The following MAP4K3 variants were observed in gnomAD, a reference collection of about 807,000 sequenced individuals.
MAP4K3 encodes mitogen-activated protein kinase kinase kinase kinase 3, also known as MAPK/ERK kinase kinase kinase 3.
In MAP4K3, 94 loss-of-function variants were observed where a neutral mutation model predicts 143.5. That is an observed-to-expected ratio of 0.65 (90% confidence interval 0.55 to 0.78). MAP4K3 has a LOEUF of 0.78. Ranked by LOEUF, MAP4K3 falls within the 30% of genes least tolerant of loss-of-function variation. MAP4K3 has a pLI of 0.00. For missense variants in MAP4K3, 1,077 were observed against 1,068.1 expected (o/e 1.01, Z -0.12); for synonymous variants, 416 against 347.2 (o/e 1.20, Z -2.20).
At chr2:39,429,222 G>T (rs1477008202) in intron 1 of MAP4K3, among the ~76,000 whole-genome samples, 1 of 152,032 alleles carries the variant, frequency 6.6e-6, no homozygotes, top group East Asian at 1.9e-4. Context: ...TCCTGGAGAA[G>T]TTTTCCACAA....
chr2:39,358,644 T>G (rs747318821), intron 2 of MAP4K3, among the ~76,000 whole-genome samples: 1 of 151,970 alleles, frequency 6.6e-6, no homozygotes, highest in Non-Finnish European at 1.5e-5. Flanking sequence ...GGGAAAAAAA[T>G]TCAAAGAAAA....
chr2:39,388,299 T>C (rs1473552847), intron 1 of MAP4K3, among the ~76,000 whole-genome samples: 1 of 152,192 alleles, frequency 6.6e-6, no homozygotes, highest in Non-Finnish European at 1.5e-5. Context: ...TTAGACTAGA[T>C]ATAAAATATC....
At chr2:39,387,651 G>A (rs913469882) in intron 1 of MAP4K3, among the ~76,000 whole-genome samples, 1 of 152,134 alleles carries the variant, frequency 6.6e-6, no homozygotes, top group Non-Finnish European at 1.5e-5. Context: ...TAGAAAAGAC[G>A]CAATGAAGAG....
intron 1 of MAP4K3, among the ~76,000 whole-genome samples, chr2:39,399,886 T>C (rs1431658493): frequency 6.6e-6 from 1 of 152,190 alleles, no homozygotes; most frequent in Non-Finnish European, 1.5e-5. Context: ...AATATTTATA[T>C]GGGGGAGGGT....
At chr2:39,424,191 G>T (rs137955203) in intron 1 of MAP4K3, among the ~76,000 whole-genome samples, 10,391 of 152,154 alleles carry the variant, frequency 0.068, 1,203 homozygotes, top group African/African-American at 0.24. Context: ...TGATCCACCC[G>T]CCTCGGCCTC....
At chr2:39,407,469 C>A (rs1287833074) in intron 1 of MAP4K3, among the ~76,000 whole-genome samples, 2 of 152,178 alleles carry the variant, frequency 1.3e-5, no homozygotes, top group African/African-American at 4.8e-5. Flanking sequence ...CTACTGCCAA[C>A]CAAGAGGCAG....
chr2:39,369,696 G>T (rs973323742), intron 2 of MAP4K3, among the ~76,000 whole-genome samples: 1 of 152,166 alleles, frequency 6.6e-6, no homozygotes, highest in East Asian at 1.9e-4. Context: ...TTATCCCAAG[G>T]GAAGTGGAAC....
intron 22 of MAP4K3, among the ~76,000 whole-genome samples, chr2:39,282,067 C>T (rs1273298661): frequency 6.6e-6 from 1 of 151,414 alleles, no homozygotes; most frequent in Non-Finnish European, 1.5e-5. Flanking sequence ...TGGTGGCAGG[C>T]ACCTATAGTC....
rs1053678484 is a variant in MAP4K3 at position 39,306,205 on chromosome 2, A to G, written c.1119+1738T>C. 7.2e-4 allele frequency among the ~76,000 whole-genome samples: 109 copies of G among 152,368 alleles called. 1 individual carries two copies. Among genetic ancestry groups the G allele is most frequent in the African/African-American group, 2.5e-3 (104 of 41,588 alleles). ...TACATGGAGGATATTAATAAATACTAGAGTCAATTTAAAAATTTGATTGTG... is the reference window on the plus strand; with the variant it reads ...TACATGGAGGATATTAATAAATACTGGAGTCAATTTAAAAATTTGATTGTG... On this transcript the variant is annotated intron_variant, in intron 15 of 33. Coordinates refer to ENST00000263881, the MANE Select transcript of MAP4K3 (RefSeq NM_003618.4).
At chr2:39,317,772 A>ATAATGGCAAGATATGGCAAG (rs1683166127) in intron 12 of MAP4K3, among the ~76,000 whole-genome samples, 1 of 152,136 alleles carries the variant, frequency 6.6e-6, no homozygotes, top group Non-Finnish European at 1.5e-5. Flanking sequence ...ATGGCAAGGC[A>ATAATGGCAAGATATGGCAAG]GCAGGGAAAA....
At position 39,410,376 on chromosome 2, in the gene MAP4K3, A is replaced by T. The variant is rs1667203552; in HGVS notation, c.96+26516T>A. The stretch of plus-strand genomic sequence containing the variant: ...TTAGACATAATTTTACAATCCTAGA[A>T]AATTAGAGCAATAAAATCATAACAA... On this transcript the variant is annotated intron_variant, in intron 1 of 33. Coordinates refer to ENST00000263881, the MANE Select transcript of MAP4K3 (RefSeq NM_003618.4). Among the ~76,000 whole-genome samples, 6 of 152,344 alleles carry T rather than the reference A, an allele frequency of 3.9e-5. No homozygotes were observed. The South Asian group carries it at 1.2e-3, about 32-fold the overall frequency.
In MAP4K3 at chr2:39,309,460, C is replaced by A; in HGVS notation, c.1056+1G>T. The A allele has an allele frequency of 6.3e-7, 1 of 1,578,248 alleles. No homozygotes were observed. The highest frequency in any genetic ancestry group is 8.6e-7 in the Non-Finnish European group (1 of 1,162,662). On this transcript the variant is annotated splice_donor_variant, in intron 14 of 33. Transcript: ENST00000263881. LOFTEE classifies it high-confidence loss of function. ...TAACATTCTAAGGCTATACTACTTA[C>A]AAGTTCATGATGTGGTTCTGTCTCC...
intron 1 of MAP4K3, among the ~76,000 whole-genome samples, chr2:39,421,750 G>A (rs1271998590): frequency 6.6e-6 from 1 of 151,994 alleles, no homozygotes; most frequent in African/African-American, 2.4e-5. Flanking sequence ...ATTTGATGTA[G>A]TTTGGCCCGT....
chr2:39,302,035 TA>T (rs1320384704), intron 15 of MAP4K3, among the ~76,000 whole-genome samples: 2 of 147,330 alleles, frequency 1.4e-5, no homozygotes, highest in South Asian at 2.1e-4. Context: ...AAAATAATAA[TA>T]AAAAAAATTA....
At chr2:39,333,613 A>T in intron 6 of MAP4K3, 39 bp from the exon 7 acceptor site, 1 of 1,184,156 alleles carries the variant, frequency 8.4e-7, no homozygotes, top group East Asian at 2.3e-5. Context: ...TAGGAAATAG[A>T]TATTTTATCA....
At position 39,249,671 on chromosome 2, in the gene MAP4K3, C is replaced by T. The variant is rs150600764; in HGVS notation, c.*947G>A. ...AAAATTCCAAGAGAAATTTGAACCA[C>T]TTCACTCTATGGAATGTTACAGTTC... On this transcript the variant is annotated 3_prime_UTR_variant, in exon 34 of 34. Transcript: ENST00000263881. The T allele has an allele frequency of 8.5e-5, 13 of 152,716 alleles. No individual in the cohort carries two copies. Among genetic ancestry groups the T allele is most frequent in the African/African-American group, 3.1e-4 (13 of 41,574 alleles). 9.5% of individuals were successfully genotyped at this position (152,716 alleles called of 1,614,324 possible). A position where few individuals can be genotyped will look rare whatever the true frequency, so the allele number is the denominator to read the frequency against.
chr2:39,346,339 G>GT (rs1665291931), intron 3 of MAP4K3, among the ~76,000 whole-genome samples: 1 of 152,122 alleles, frequency 6.6e-6, no homozygotes, highest in Non-Finnish European at 1.5e-5. Flanking sequence ...AGGCAGACCA[G>GT]TTCTCTCTCC....
chr2:39,412,629 T>C (rs549962718), intron 1 of MAP4K3, among the ~76,000 whole-genome samples: 72 of 152,108 alleles, frequency 4.7e-4, no homozygotes, highest in African/African-American at 1.7e-3. Flanking sequence ...ATCATGAAAA[T>C]AGCCCTAAAT....
intron 2 of MAP4K3, among the ~76,000 whole-genome samples, chr2:39,377,041 TC>T (rs1231192815): frequency 6.6e-6 from 1 of 152,108 alleles, no homozygotes; most frequent in Admixed American, 6.5e-5. Flanking sequence ...TGTGGTTTGA[TC>T]ACAGTCAATC....
Sources: gnomAD v4.1 joint callset for allele counts (sites outside exome capture counted in the v4.1 genomes callset) on GRCh38, gnomAD v4.1.1 for gene constraint, MANE v1.5 for transcripts, NCBI Gene and HGNC (gene_info 2026-07-23, HGNC 2026-07-21) for gene names.